PCDHA5: variants seen among roughly 807,000 people sequenced by gnomAD.
PCDHA5 encodes protocadherin alpha-5.
A neutral mutation model predicts 61.6 loss-of-function variants in PCDHA5; 43 were observed. That is an observed-to-expected ratio of 0.70 (90% CI 0.55 to 0.90). The LOEUF is 0.90. Among genes scored for constraint, PCDHA5 ranks in the 40% least tolerant of loss-of-function variants. The pLI is 0.00. For synonymous variants in PCDHA5, 627 were observed against 543.9 expected (o/e 1.15, Z -2.13); for missense variants, 1,298 against 1,222.7 (o/e 1.06, Z -0.92).
chr5:140,827,449 C>A (rs1404981658), intron 1 of PCDHA5, among the ~76,000 whole-genome samples: 4 of 152,146 alleles, frequency 2.6e-5, no homozygotes, highest in African/African-American at 9.7e-5. Flanking sequence ...CACAGAAGAA[C>A]CTTAAGAGCA....
At chr5:140,910,856 C>T (rs548609862) in intron 1 of PCDHA5, among the ~76,000 whole-genome samples, 15 of 152,300 alleles carry the variant, frequency 9.8e-5, no homozygotes, top group Non-Finnish European at 2.2e-4. Flanking sequence ...ATCTATGTTC[C>T]ATCCACCATT....
intron 1 of PCDHA5, among the ~76,000 whole-genome samples, chr5:140,924,369 G>A (rs2081798645): frequency 6.6e-6 from 1 of 152,144 alleles, no homozygotes; most frequent in Admixed American, 6.5e-5. Context: ...AGGCAAACTA[G>A]CCAAGGGGTA....
chr5:140,928,694 C>T, intron 1 of PCDHA5: 1 of 1,614,166 alleles, frequency 6.2e-7, no homozygotes, highest in South Asian at 1.1e-5. Flanking sequence ...TACCACATCT[C>T]CCGGGCGTCT....
chr5:140,869,896 A>T (rs781921753), intron 1 of PCDHA5: 7 of 1,610,768 alleles, frequency 4.3e-6, no homozygotes, highest in Non-Finnish European at 4.2e-6. Context: ...GCTCAAACTA[A>T]ACGCCACAGA....
rs1310141347 is a variant in PCDHA5, at chr5:140,970,963, T to C, written c.2353-7986T>C. ...TGCTGAGAAACCATGGGAGGCAGAT[T>C]GTAGATTAAGAAAAATGGGGGAATA... On this transcript the variant is annotated intron_variant, in intron 1 of 3. Coordinates refer to ENST00000529859, the MANE Select transcript of PCDHA5 (RefSeq NM_018908.3). Among the ~76,000 whole-genome samples, 41 of 152,180 alleles carry C rather than the reference T, an allele frequency of 2.7e-4. 1 individual carries two copies. Among genetic ancestry groups the C allele is most frequent in the Admixed American group, 2.7e-3 (41 of 15,274 alleles).
intron 1 of PCDHA5, among the ~76,000 whole-genome samples, chr5:140,846,139 A>G (rs1196969415): frequency 6.7e-6 from 1 of 149,708 alleles, no homozygotes; most frequent in Non-Finnish European, 1.5e-5. Flanking sequence ...TGTTTCCCAT[A>G]TTTAAAAGTT....
chr5:140,884,167 G>T (rs1554181302), intron 1 of PCDHA5: 2 of 1,613,294 alleles, frequency 1.2e-6, no homozygotes, highest in African/African-American at 1.3e-5. Context: ...AGATCAGCAC[G>T]ACGCGCCCTC....
intron 1 of PCDHA5, chr5:140,829,543 G>T (rs2150169755): frequency 1.2e-6 from 2 of 1,612,982 alleles, no homozygotes; most frequent in African/African-American, 1.3e-5. Context: ...ACGCGGACGC[G>T]CAGGAGAACG....
At chr5:140,841,343 G>T (rs1554138115) in intron 1 of PCDHA5, 1 of 1,612,324 alleles carries the variant, frequency 6.2e-7, no homozygotes, top group Non-Finnish European at 8.5e-7. Context: ...CTGGCGAGGA[G>T]AGCTGGGATC....
intron 2 of PCDHA5, among the ~76,000 whole-genome samples, chr5:140,981,993 G>A (rs533430599): frequency 6.6e-6 from 1 of 152,272 alleles, no homozygotes; most frequent in Admixed American, 6.5e-5. Flanking sequence ...TAGAAAATAA[G>A]GTTAAGAATT....
At chr5:140,898,900 C>T (rs1257410263) in intron 1 of PCDHA5, among the ~76,000 whole-genome samples, 2 of 151,396 alleles carry the variant, frequency 1.3e-5, no homozygotes, top group Non-Finnish European at 3.0e-5. Context: ...TGAAGAGGTC[C>T]TTCACGTCCC....
Position 140,957,818 on chromosome 5 carries a change from A to T in PCDHA5, c.2353-21131A>T, listed in dbSNP as rs568420954. On this transcript the variant is annotated intron_variant, in intron 1 of 3. Transcript: ENST00000529859. ...GTTAAGTAAAAAAAAGTCACAAATT[A>T]AGAGAAAGTGTTAATTGATTTGAGA... Among the ~76,000 whole-genome samples the T allele has an allele frequency of 9.3e-4, 141 of 151,940 alleles. 1 individual carries two copies. Among genetic ancestry groups the T allele is most frequent in the African/African-American group, 2.9e-3 (121 of 41,526 alleles).
At chr5:140,993,727 T>C (rs1482867785) in intron 3 of PCDHA5, among the ~76,000 whole-genome samples, 1 of 152,220 alleles carries the variant, frequency 6.6e-6, no homozygotes, top group Non-Finnish European at 1.5e-5. Context: ...ACCTTTTCTA[T>C]GTTTAGATAC....
chr5:140,852,637 A>G (rs2150521055), intron 1 of PCDHA5: 1 of 959,312 alleles, frequency 1.0e-6, no homozygotes, highest in Non-Finnish European at 1.3e-6. Flanking sequence ...AGCTCCTGTC[A>G]TTAAACCTAT....
At chr5:140,892,980 G>T (rs568292110) in intron 1 of PCDHA5, among the ~76,000 whole-genome samples, 192 of 152,148 alleles carry the variant, frequency 1.3e-3, no homozygotes, top group African/African-American at 4.5e-3. Flanking sequence ...TGTAGCTGCC[G>T]TATAAGTGAG....
chr5:140,968,553 G>T (rs782583876), intron 1 of PCDHA5: 1 of 1,614,132 alleles, frequency 6.2e-7, no homozygotes. Context: ...ATGGTGCCTC[G>T]AACTGCCCCT....
intron 3 of PCDHA5, among the ~76,000 whole-genome samples, chr5:140,985,608 G>T (rs76669319): frequency 6.6e-6 from 1 of 152,052 alleles, no homozygotes; most frequent in Non-Finnish European, 1.5e-5. Context: ...AGCCCTTTCC[G>T]TGAACCAGCT....
chr5:140,946,327 G>C (rs2093929992), intron 1 of PCDHA5, among the ~76,000 whole-genome samples: 2 of 151,720 alleles, frequency 1.3e-5, no homozygotes, highest in Non-Finnish European at 3.0e-5. Flanking sequence ...AAAGAGGAAA[G>C]ATAACAAGTG....
chr5:140,871,300 C>T (rs1562661811), intron 1 of PCDHA5: 4 of 1,613,916 alleles, frequency 2.5e-6, no homozygotes, highest in Non-Finnish European at 3.4e-6. Context: ...CGCGTGCGCG[C>T]CGGGGAAGCC....
Sources: gnomAD v4.1 joint callset for allele counts (sites outside exome capture counted in the v4.1 genomes callset) on GRCh38, gnomAD v4.1.1 for gene constraint, MANE v1.5 for transcripts, NCBI Gene and HGNC (gene_info 2026-07-23, HGNC 2026-07-21) for gene names.